UIMC1: variants seen among roughly 807,000 people sequenced by gnomAD.
UIMC1 encodes the protein ubiquitin interaction motif containing 1.
A neutral mutation model predicts 84.9 loss-of-function variants in UIMC1; 42 were observed. That is an observed-to-expected ratio of 0.49 (90% CI 0.39 to 0.64). UIMC1 has a LOEUF of 0.64. Among genes scored for constraint, UIMC1 ranks in the 30% least tolerant of loss-of-function variants. The probability of loss-of-function intolerance (pLI) is 0.00; values close to 1 mark genes in which losing one functional copy is unlikely to be tolerated. For missense variants in UIMC1, 825 were observed against 847.6 expected (o/e 0.97, Z 0.33); for synonymous variants, 281 against 293.0 (o/e 0.96, Z 0.42).
chr5:176,941,640 T>C (rs1445313897), intron 10 of UIMC1, among the ~76,000 whole-genome samples: 5 of 152,182 alleles, frequency 3.3e-5, no homozygotes, highest in Non-Finnish European at 5.9e-5. Flanking sequence ...AGGAATCAAG[T>C]AGCACTGAGA....
upstream of UIMC1, among the ~76,000 whole-genome samples, chr5:177,011,684 A>G (rs1470283911): frequency 2.6e-5 from 4 of 152,220 alleles, no homozygotes; most frequent in African/African-American, 9.7e-5. Flanking sequence ...TGAATATGAC[A>G]TCAAAAGCAC....
upstream of UIMC1, among the ~76,000 whole-genome samples, chr5:177,010,398 A>G (rs567347600): frequency 6.6e-6 from 1 of 152,326 alleles, no homozygotes; most frequent in Non-Finnish European, 1.5e-5. Flanking sequence ...AAGATGAATG[A>G]TATGCTCATT....
intron 6 of UIMC1, among the ~76,000 whole-genome samples, chr5:176,960,393 T>G (rs1340050161): frequency 1.3e-5 from 2 of 152,052 alleles, no homozygotes; most frequent in Non-Finnish European, 2.9e-5. Flanking sequence ...TAAAGTGAGG[T>G]TCTTCCAGAA....
At chr5:177,022,416 C>A (rs1358811612) in intron 1 of UIMC1, 2 of 303,058 alleles carry the variant, frequency 6.6e-6, no homozygotes, top group Non-Finnish European at 1.2e-5. Context: ...GAAAACACTC[C>A]CACATAACGG....
intron 2 of UIMC1, among the ~76,000 whole-genome samples, chr5:176,981,791 A>G (rs1191728129): frequency 6.6e-6 from 1 of 150,386 alleles, no homozygotes; most frequent in African/African-American, 2.4e-5. Context: ...CTGGCTCTAG[A>G]AAAAAAAAAT....
intron 4 of UIMC1, chr5:176,970,271 C>CAA (rs57976266): frequency 3.9e-3 from 305 of 77,634 alleles, no homozygotes; most frequent in South Asian, 9.3e-3. Context: ...GACTCCATCT[C>CAA]AAAAAAAAAA....
intron 2 of UIMC1, among the ~76,000 whole-genome samples, chr5:176,978,021 C>T (rs1770411204): frequency 6.6e-6 from 1 of 152,038 alleles, no homozygotes; most frequent in African/African-American, 2.4e-5. Context: ...GAAAAAAAGA[C>T]TTTTTTTCAT....
At chr5:176,974,994 A>G (rs1048580541) in intron 3 of UIMC1, among the ~76,000 whole-genome samples, 1 of 152,006 alleles carries the variant, frequency 6.6e-6, no homozygotes, top group African/African-American at 2.4e-5. Flanking sequence ...TGTTAAAAAA[A>G]AAATTAAAAT....
At chr5:177,017,616 G>A (rs547355483) in intron 1 of UIMC1, among the ~76,000 whole-genome samples, 242 of 150,294 alleles carry the variant, frequency 1.6e-3, no homozygotes, top group African/African-American at 5.6e-3. Context: ...CAGGTGATCC[G>A]CCCACTTGGC....
intron 1 of UIMC1, among the ~76,000 whole-genome samples, chr5:177,017,567 T>C (rs1775698731): frequency 1.3e-5 from 2 of 152,072 alleles, no homozygotes; most frequent in Admixed American, 1.3e-4. Context: ...TTTGTATTTT[T>C]TAGTAGAGAC....
chr5:176,976,857 G>A (rs1219657377), intron 2 of UIMC1, among the ~76,000 whole-genome samples: 6 of 152,208 alleles, frequency 3.9e-5, no homozygotes, highest in Admixed American at 6.5e-5. Context: ...CTACTGGGCC[G>A]TGGAGACTGG....
In UIMC1 at chr5:176,943,373, T is replaced by C. The variant is rs775642001; in HGVS notation, c.1559A>G (p.His520Arg). The C allele has an allele frequency of 5.8e-5, 94 of 1,614,068 alleles. 1 individual carries two copies. The highest frequency in any genetic ancestry group is 3.5e-4 in the South Asian group (32 of 91,086). Residue 520 changes from histidine (H) to arginine (R), a missense_variant, in exon 10 of 15, where the codon CAT becomes CGT. Coordinates refer to ENST00000511320, the MANE Select transcript of UIMC1 (RefSeq NM_001199298.2). ...CATCAGACCATTGCAGTACATGGCA[T>C]GTCGTTCAATCTTTGTGGGTGGAAA... ...QCFPPTKIER[H>R]AMYCNGLMEE...
chr5:176,982,932 C>T (rs1205778175), intron 1 of UIMC1, among the ~76,000 whole-genome samples: 1 of 152,200 alleles, frequency 6.6e-6, no homozygotes, highest in Non-Finnish European at 1.5e-5. Flanking sequence ...CTCCTCACTT[C>T]AGGTGATCCA....
At chr5:176,992,965 C>G (rs1463402219) in intron 1 of UIMC1, among the ~76,000 whole-genome samples, 1 of 151,964 alleles carries the variant, frequency 6.6e-6, no homozygotes, top group Non-Finnish European at 1.5e-5. Flanking sequence ...GCAGGTGGAT[C>G]ACCTGAGATC....
At chr5:176,917,240 C>T (rs552425431) in intron 10 of UIMC1, among the ~76,000 whole-genome samples, 7 of 152,342 alleles carry the variant, frequency 4.6e-5, no homozygotes, top group African/African-American at 1.4e-4. Context: ...CTACAACCAA[C>T]GACCTCAGAG....
At chr5:176,968,189 G>T (rs353503) in intron 6 of UIMC1, among the ~76,000 whole-genome samples, 87,690 of 151,890 alleles carry the variant, frequency 0.58, 27,041 homozygotes, top group African/African-American at 0.81. Flanking sequence ...CTAGCCAACA[G>T]GGTAAAACCC....
At chr5:176,933,061 T>G (rs995031706) in intron 10 of UIMC1, among the ~76,000 whole-genome samples, 39 of 152,116 alleles carry the variant, frequency 2.6e-4, no homozygotes. Context: ...AATAAAAGCT[T>G]TGGCAGTGTT....
At position 176,975,791 on chromosome 5, in the gene UIMC1, T is replaced by C. The variant is rs190267801; in HGVS notation, c.148-311A>G. Among the ~76,000 whole-genome samples, 28 of 152,268 alleles carry C rather than the reference T, an allele frequency of 1.8e-4. No homozygotes were observed. In the East Asian group the frequency reaches 5.4e-3, roughly 29 times the overall value. ...AAGATCAGAGTAGCTTGATTGAAGA[T>C]ATGAAAAAACAATAATAATGTTTAA... On this transcript the variant is annotated intron_variant, in intron 2 of 14. Coordinates refer to ENST00000511320, the MANE Select transcript of UIMC1 (RefSeq NM_001199298.2).
intron 8 of UIMC1, among the ~76,000 whole-genome samples, chr5:176,955,230 G>A (rs1337851280): frequency 6.6e-6 from 1 of 152,078 alleles, no homozygotes; most frequent in Non-Finnish European, 1.5e-5. Context: ...CTATCCATGT[G>A]CAACTTTGAA....
Sources: gnomAD v4.1 joint callset for allele counts (sites outside exome capture counted in the v4.1 genomes callset) on GRCh38, gnomAD v4.1.1 for gene constraint, MANE v1.5 for transcripts, NCBI Gene and HGNC (gene_info 2026-07-23, HGNC 2026-07-21) for gene names.